Variants in ADIPOR2 observed in about 807,000 individuals in gnomAD.
The protein encoded by ADIPOR2 is adiponectin receptor protein 2.
Under a neutral mutation model 40.9 loss-of-function variants are expected in ADIPOR2, and 18 were observed. The ratio of observed to expected loss-of-function variants is 0.44; its 90% CI spans 0.30 to 0.65. The LOEUF (loss-of-function observed/expected upper bound fraction) is 0.65. Among genes scored for constraint, ADIPOR2 ranks in the 30% least tolerant of loss-of-function variants. The pLI is 0.09. For missense variants in ADIPOR2, 283 were observed against 479.2 expected (o/e 0.59, Z 3.82); for synonymous variants, 165 against 166.4 (o/e 0.99, Z 0.06).
At chr12:1,709,238 A>T (rs2094670907) in intron 1 of ADIPOR2, among the ~76,000 whole-genome samples, 1 of 152,166 alleles carries the variant, frequency 6.6e-6, no homozygotes, top group Non-Finnish European at 1.5e-5. Flanking sequence ...GGTCCTTGAA[A>T]ATGGTGTATC....
chr12:1,722,633 G>C (rs2094700049), intron 1 of ADIPOR2, among the ~76,000 whole-genome samples: 1 of 152,170 alleles, frequency 6.6e-6, no homozygotes, highest in Admixed American at 6.5e-5. Flanking sequence ...AAATTTTCCT[G>C]TGAAAAGGGA....
chr12:1,728,389 C>A (rs1251470865), intron 1 of ADIPOR2, among the ~76,000 whole-genome samples: 2 of 151,758 alleles, frequency 1.3e-5, no homozygotes, highest in African/African-American at 4.8e-5. Flanking sequence ...GGATTACAGG[C>A]ATGAACACCA....
At chr12:1,691,956 A>G (rs2094628015) in intron 1 of ADIPOR2, among the ~76,000 whole-genome samples, 1 of 151,958 alleles carries the variant, frequency 6.6e-6, no homozygotes, top group African/African-American at 2.4e-5. Flanking sequence ...CACAGTTGGG[A>G]TTTTATGGGG....
rs747630392 is a variant in ADIPOR2 at position 1,780,129 on chromosome 12, CTATTCTA to C, written c.464-321_464-315del. 6.1e-4 allele frequency: 121 copies of C among 199,448 alleles called. 1 individual carries two copies. The highest frequency in any genetic ancestry group is 1.7e-4 in the Non-Finnish European group (17 of 100,074). 12.4% of individuals were successfully genotyped at this position (199,448 alleles called of 1,614,324 possible). A position where few individuals can be genotyped will look rare whatever the true frequency, so the allele number is the denominator to read the frequency against. On this transcript the variant is annotated intron_variant, in intron 4 of 7. Transcript: ENST00000357103. ...TGTGCCAAAAACTGTATAAATGAAA[CTATTCTA>C]CATCTAGAGGTAGAAGTGGCTTCAT...
At chr12:1,719,146 T>C (rs557334318) in intron 1 of ADIPOR2, among the ~76,000 whole-genome samples, 1 of 152,168 alleles carries the variant, frequency 6.6e-6, no homozygotes, top group African/African-American at 2.4e-5. Context: ...TTACCAATTA[T>C]GCTTTTTCAG....
At chr12:1,710,225 C>G (rs1406016233) in intron 1 of ADIPOR2, among the ~76,000 whole-genome samples, 1 of 152,122 alleles carries the variant, frequency 6.6e-6, no homozygotes. Flanking sequence ...GCTGGGCACC[C>G]CAGCCATCAG....
At chr12:1,710,601 A>T (rs2094674553) in intron 1 of ADIPOR2, among the ~76,000 whole-genome samples, 1 of 151,878 alleles carries the variant, frequency 6.6e-6, no homozygotes, top group South Asian at 2.1e-4. Context: ...GGGCTCTCTA[A>T]CAACCCCCGA....
At chr12:1,702,719 CTG>C (rs1314400400) in intron 1 of ADIPOR2, among the ~76,000 whole-genome samples, 1 of 152,096 alleles carries the variant, frequency 6.6e-6, no homozygotes, top group Non-Finnish European at 1.5e-5. Context: ...TTTTCTCAGT[CTG>C]TGTGGCTTAT....
intron 1 of ADIPOR2, among the ~76,000 whole-genome samples, chr12:1,722,641 G>A (rs1223808398): frequency 2.0e-5 from 3 of 152,286 alleles, no homozygotes; most frequent in African/African-American, 7.2e-5. Context: ...CTGTGAAAAG[G>A]GAAGCAGAAA....
chr12:1,735,027 G>A (rs572941656), intron 1 of ADIPOR2, among the ~76,000 whole-genome samples: 276 of 152,300 alleles, frequency 1.8e-3, no homozygotes, highest in African/African-American at 6.0e-3. Flanking sequence ...GTCAGGTAGC[G>A]TGATGCCTCC....
At chr12:1,705,013 C>T (rs981267194) in intron 1 of ADIPOR2, among the ~76,000 whole-genome samples, 10 of 152,068 alleles carry the variant, frequency 6.6e-5, no homozygotes, top group African/African-American at 2.4e-4. Context: ...CATTATAAAG[C>T]AAAACAAACA....
chr12:1,757,449 G>A (rs747511685), intron 2 of ADIPOR2: 7 of 725,636 alleles, frequency 9.6e-6, no homozygotes, highest in Admixed American at 1.9e-5. Flanking sequence ...TATCACACCA[G>A]TTCTTCCCAG....
chr12:1,730,566 G>A (rs1371140240), intron 1 of ADIPOR2, among the ~76,000 whole-genome samples: 3 of 147,496 alleles, frequency 2.0e-5, no homozygotes, highest in Non-Finnish European at 4.4e-5. Flanking sequence ...GCAGTGAGCC[G>A]AGATAGTGCT....
chr12:1,744,508 G>C (rs2094750738), intron 1 of ADIPOR2, among the ~76,000 whole-genome samples: 1 of 151,678 alleles, frequency 6.6e-6, no homozygotes, highest in African/African-American at 2.4e-5. Context: ...GCTAATTTTT[G>C]TATTTTTTTG....
At chr12:1,732,000 TAAAA>T (rs71055189) in intron 1 of ADIPOR2, among the ~76,000 whole-genome samples, 1 of 148,420 alleles carries the variant, frequency 6.7e-6, no homozygotes. Context: ...CAAGTTTATT[TAAAA>T]AAAAAAAAAG....
At chr12:1,695,128 A>G (rs979922997) in intron 1 of ADIPOR2, among the ~76,000 whole-genome samples, 1 of 149,388 alleles carries the variant, frequency 6.7e-6, no homozygotes, top group Non-Finnish European at 1.5e-5. Flanking sequence ...CGATCCTCCC[A>G]CCTTAGCCTC....
intron 1 of ADIPOR2, among the ~76,000 whole-genome samples, chr12:1,722,122 G>T (rs2094699090): frequency 6.6e-6 from 1 of 152,332 alleles, no homozygotes; most frequent in African/African-American, 2.4e-5. Flanking sequence ...TCTGGAGGCT[G>T]CTGTATTAGT....
At chr12:1,701,151 A>G (rs1207422032) in intron 1 of ADIPOR2, among the ~76,000 whole-genome samples, 1 of 144,660 alleles carries the variant, frequency 6.9e-6, no homozygotes, top group African/African-American at 2.5e-5. Flanking sequence ...TTTTTTGGAA[A>G]CAGGGTCTCA....
chr12:1,758,773 G>GA (rs1278582445), intron 2 of ADIPOR2, among the ~76,000 whole-genome samples: 41 of 152,270 alleles, frequency 2.7e-4, no homozygotes, highest in African/African-American at 9.6e-4. Context: ...TTTTGAAGTT[G>GA]AAACATCTGA....
Sources: gnomAD v4.1 joint callset for allele counts (sites outside exome capture counted in the v4.1 genomes callset) on GRCh38, gnomAD v4.1.1 for gene constraint, MANE v1.5 for transcripts, NCBI Gene and HGNC (gene_info 2026-07-23, HGNC 2026-07-21) for gene names.